The following PDE1A variants were observed in gnomAD, a reference collection of about 807,000 sequenced individuals.
PDE1A encodes dual specificity calcium/calmodulin-dependent 3',5'-cyclic nucleotide phosphodiesterase 1A.
In PDE1A, 35 loss-of-function variants were observed where a neutral mutation model predicts 61.7. The observed-to-expected ratio is 0.57, with a 90% CI of 0.43 to 0.75. PDE1A has a LOEUF of 0.75. Among genes scored for constraint, PDE1A ranks in the 30% least tolerant of loss-of-function variants. The pLI, the probability that PDE1A is intolerant of heterozygous loss-of-function variation, is 0.00. For missense variants in PDE1A, 597 were observed against 630.6 expected, an observed-to-expected ratio of 0.95 and a Z score of 0.57; for synonymous variants, 232 against 213.2, an observed-to-expected ratio of 1.09 and a Z score of -0.77.
intron 2 of PDE1A, among the ~76,000 whole-genome samples, chr2:182,246,419 T>C (rs1690973336): frequency 7.8e-6 from 1 of 127,544 alleles, no homozygotes; most frequent in South Asian, 2.6e-4. Context: ...TTTTTTTTTT[T>C]TTTTGACAGA....
At chr2:182,217,938 T>C (rs1297346496) in intron 7 of PDE1A, among the ~76,000 whole-genome samples, 4 of 151,928 alleles carry the variant, frequency 2.6e-5, no homozygotes, top group Non-Finnish European at 5.9e-5. Flanking sequence ...CAAAGGACTA[T>C]AAATCATGCT....
intron 2 of PDE1A, among the ~76,000 whole-genome samples, chr2:182,517,176 C>G (rs1178047376): frequency 2.6e-5 from 4 of 152,172 alleles, no homozygotes; most frequent in Non-Finnish European, 4.4e-5. Context: ...CTAGGTATAT[C>G]TATGTTTAAA....
chr2:182,267,099 G>A (rs711808), intron 1 of PDE1A, among the ~76,000 whole-genome samples: 1 of 151,858 alleles, frequency 6.6e-6, no homozygotes, highest in Non-Finnish European at 1.5e-5. Flanking sequence ...AGGAGACCAT[G>A]GACAAGTGCA....
chr2:182,287,537 A>T (rs1694248119), intron 1 of PDE1A, among the ~76,000 whole-genome samples: 1 of 152,140 alleles, frequency 6.6e-6, no homozygotes, highest in Non-Finnish European at 1.5e-5. Context: ...GCACAGGGCT[A>T]CTTGAGTAAA....
intron 2 of PDE1A, among the ~76,000 whole-genome samples, chr2:182,465,505 T>A (rs994848871): frequency 2.6e-5 from 4 of 152,048 alleles, no homozygotes; most frequent in Non-Finnish European, 4.4e-5. Flanking sequence ...GAATTAAAAA[T>A]TTTTTTAAGT....
At chr2:182,603,592 C>G in the PDE1A span, among the ~76,000 whole-genome samples, 1 of 152,148 alleles carries the variant, frequency 6.6e-6, no homozygotes, top group Non-Finnish European at 1.5e-5. Context: ...TCAGGTGATC[C>G]GCCCACCTCG....
intron 1 of PDE1A, among the ~76,000 whole-genome samples, chr2:182,283,456 G>C (rs1210246778): frequency 6.6e-6 from 1 of 151,662 alleles, no homozygotes; most frequent in African/African-American, 2.4e-5. Context: ...CTTGGTGGCA[G>C]CCTTCATTAA....
chr2:182,588,518 C>T, the PDE1A span, among the ~76,000 whole-genome samples: 122,147 of 152,116 alleles, frequency 0.8, 49,365 homozygotes, highest in East Asian at 0.98. Flanking sequence ...AGCAAAAATA[C>T]ACTCAAATAT....
Position 182,264,225 on chromosome 2 carries a change from T to A in PDE1A, c.167+76A>T, listed in dbSNP as rs1574190260. The A allele has an allele frequency of 3.2e-6, 3 of 931,938 alleles. No individual in the cohort carries two copies. The East Asian group carries it at 7.4e-5, about 23-fold the overall frequency. 57.7% of individuals were successfully genotyped at this position (931,938 alleles called of 1,614,324 possible). A position where few individuals can be genotyped will look rare whatever the true frequency, so the allele number is the denominator to read the frequency against. On this transcript the variant is annotated intron_variant, in intron 2 of 13. Coordinates refer to ENST00000351439, the Ensembl canonical transcript of PDE1A. ...AGATATGCTAAATTCCTGTTTGAGA[T>A]AAAGGAGGGTCAAGAAAGAGGAAGA...
chr2:182,544,694 C>G, the PDE1A span, among the ~76,000 whole-genome samples: 1 of 152,174 alleles, frequency 6.6e-6, no homozygotes, highest in African/African-American at 2.4e-5. Context: ...GTATGCATAG[C>G]ATCATTTCAA....
chr2:182,674,136 A>G, the PDE1A span, among the ~76,000 whole-genome samples: 1 of 151,942 alleles, frequency 6.6e-6, no homozygotes, highest in Non-Finnish European at 1.5e-5. Context: ...GATCACTGTT[A>G]GTAAGTGGTA....
chr2:182,328,611 C>T (rs1697201425), intron 1 of PDE1A, among the ~76,000 whole-genome samples: 1 of 152,048 alleles, frequency 6.6e-6, no homozygotes, highest in African/African-American at 2.4e-5. Context: ...AGGCTGGAGA[C>T]TGAGATGCTA....
the PDE1A span, among the ~76,000 whole-genome samples, chr2:182,529,095 C>T: frequency 6.6e-6 from 1 of 152,016 alleles, no homozygotes; most frequent in South Asian, 2.1e-4. Context: ...TCCTCCAGAC[C>T]CCAGAATAGC....
At chr2:182,567,995 G>A in the PDE1A span, among the ~76,000 whole-genome samples, 1 of 151,856 alleles carries the variant, frequency 6.6e-6, no homozygotes, top group African/African-American at 2.4e-5. Context: ...GTTTCACTAT[G>A]TTGGCCAGGC....
intron 2 of PDE1A, among the ~76,000 whole-genome samples, chr2:182,436,308 A>G (rs1390394894): frequency 6.6e-6 from 1 of 152,006 alleles, no homozygotes; most frequent in African/African-American, 2.4e-5. Flanking sequence ...TTTGAATATC[A>G]ATGTATCATT....
At chr2:182,421,262 C>G (rs901586062) in intron 1 of PDE1A, among the ~76,000 whole-genome samples, 5 of 152,138 alleles carry the variant, frequency 3.3e-5, no homozygotes, top group African/African-American at 1.2e-4. Context: ...ATTTCTAAAT[C>G]TTACCAATGT....
At chr2:182,203,051 C>A (rs1345292808) in intron 8 of PDE1A, among the ~76,000 whole-genome samples, 4 of 152,156 alleles carry the variant, frequency 2.6e-5, no homozygotes, top group Non-Finnish European at 5.9e-5. Flanking sequence ...CATGGTGGCT[C>A]ACGCCTGTAA....
chr2:182,699,349 A>G, the PDE1A span, among the ~76,000 whole-genome samples: 1 of 152,186 alleles, frequency 6.6e-6, no homozygotes, highest in Non-Finnish European at 1.5e-5. Context: ...CATTTTGGTA[A>G]ATACACCAAA....
chr2:182,612,929 T>C, the PDE1A span, among the ~76,000 whole-genome samples: 139,968 of 152,234 alleles, frequency 0.92, 65,413 homozygotes, highest in East Asian at 1. Flanking sequence ...TTATTCGTTT[T>C]TGCAGTTTTT....
Sources: gnomAD v4.1 joint callset for allele counts (sites outside exome capture counted in the v4.1 genomes callset) on GRCh38, gnomAD v4.1.1 for gene constraint, MANE v1.5 for transcripts, NCBI Gene and HGNC (gene_info 2026-07-23, HGNC 2026-07-21) for gene names.